GABRA2: variants seen among roughly 807,000 people sequenced by gnomAD.
The protein encoded by GABRA2 is gamma-aminobutyric acid receptor subunit alpha-2.
A neutral mutation model predicts 48.7 loss-of-function variants in GABRA2; 16 were observed. The observed-to-expected ratio is 0.33, with a 90% confidence interval of 0.22 to 0.50. GABRA2 has a LOEUF of 0.50. Ranked by LOEUF, GABRA2 falls within the 20% of genes least tolerant of loss-of-function variation. The pLI, the probability that GABRA2 is intolerant of heterozygous loss-of-function variation, is 0.98. For synonymous variants in GABRA2, 185 were observed against 184.5 expected (o/e 1.00, Z -0.02); for missense variants, 275 against 535.6 (o/e 0.51, Z 4.80).
intron 3 of GABRA2, among the ~76,000 whole-genome samples, chr4:46,361,010 G>T (rs1225681315): frequency 6.6e-6 from 1 of 152,306 alleles, no homozygotes; most frequent in East Asian, 1.9e-4. Context: ...TGACTTGGGT[G>T]CTGTTAAAGG....
intron 4 of GABRA2, among the ~76,000 whole-genome samples, chr4:46,319,068 G>T (rs1047580220): frequency 6.6e-6 from 1 of 151,686 alleles, no homozygotes; most frequent in Non-Finnish European, 1.5e-5. Context: ...TCCATTTACA[G>T]TAAACTCCTT....
chr4:46,344,661 C>T (rs946419949), intron 3 of GABRA2, among the ~76,000 whole-genome samples: 2 of 151,602 alleles, frequency 1.3e-5, no homozygotes, highest in Admixed American at 1.3e-4. Context: ...TTTTCTAGCA[C>T]ACAGCCAGGA....
At chr4:46,360,574 C>T (rs1424785290) in intron 3 of GABRA2, among the ~76,000 whole-genome samples, 1 of 152,146 alleles carries the variant, frequency 6.6e-6, no homozygotes, top group Non-Finnish European at 1.5e-5. Flanking sequence ...TTGGGTATGT[C>T]TTTGTCAGCA....
intron 9 of GABRA2, chr4:46,261,418 A>G (rs1025411942): frequency 1.3e-5 from 2 of 159,924 alleles, no homozygotes; most frequent in African/African-American, 4.8e-5. Context: ...CAATTCATTG[A>G]TAGAGCCTGG....
chr4:46,310,264 C>A lies in GABRA2; in HGVS notation c.477-9G>T. 6.2e-7 allele frequency: 1 copy of A among 1,608,112 alleles called. No individual in the cohort carries two copies. Among genetic ancestry groups the A allele is most frequent in the South Asian group, 1.1e-5 (1 of 90,854 alleles). ...CAGCTTGAACTGTAAGCCTAAAAGT[C>A]AAAATTTCACTATTTGTTTAAGTAT... On this transcript the variant is annotated splice_polypyrimidine_tract_variant and intron_variant, in intron 5 of 9. Transcript: ENST00000381620.
Position 46,265,062 on chromosome 4 carries a change from T to C in GABRA2, c.857-2934A>G, listed in dbSNP as rs1044935560. 2.1e-5 allele frequency among the ~76,000 whole-genome samples: 3 copies of C among 145,340 alleles called. No individual in the cohort carries two copies. In the South Asian group the frequency reaches 6.7e-4, roughly 33 times the overall value. ...AGAGAGAGATTGAGAGAGTCAGTCT[T>C]GCTTGACATTTCACCCAGGCTGAAA... is the stretch of plus-strand genomic sequence containing the variant. On this transcript the variant is annotated intron_variant, in intron 8 of 9. Coordinates refer to ENST00000381620, the MANE Select transcript of GABRA2 (RefSeq NM_000807.4).
intron 3 of GABRA2, among the ~76,000 whole-genome samples, chr4:46,333,485 T>C (rs970017302): frequency 6.6e-6 from 1 of 152,102 alleles, no homozygotes; most frequent in Non-Finnish European, 1.5e-5. Context: ...TTAATGTTTA[T>C]CATCATGAGC....
chr4:46,353,953 AT>A (rs1326037964), intron 3 of GABRA2, among the ~76,000 whole-genome samples: 1 of 152,176 alleles, frequency 6.6e-6, no homozygotes, highest in African/African-American at 2.4e-5. Flanking sequence ...CTGTTCACTG[AT>A]AAATTTCAAT....
intron 3 of GABRA2, among the ~76,000 whole-genome samples, chr4:46,369,920 G>A (rs778557662): frequency 1.3e-5 from 2 of 152,116 alleles, no homozygotes; most frequent in Admixed American, 6.5e-5. Context: ...ATAGGAAAAT[G>A]TGGTTCCCAA....
At chr4:46,251,393 A>ACATT (rs1197661567) in intron 9 of GABRA2, among the ~76,000 whole-genome samples, 4 of 151,440 alleles carry the variant, frequency 2.6e-5, no homozygotes. Flanking sequence ...AATGAAAACA[A>ACATT]CATTTTTTTT....
intron 3 of GABRA2, among the ~76,000 whole-genome samples, chr4:46,359,071 T>A (rs1418972991): frequency 6.6e-6 from 1 of 152,176 alleles, no homozygotes; most frequent in South Asian, 2.1e-4. Context: ...CAAAACTTAG[T>A]TTAAGTATAA....
At chr4:46,378,040 T>A (rs76262326) in intron 3 of GABRA2, among the ~76,000 whole-genome samples, 1 of 92,482 alleles carries the variant, frequency 1.1e-5, no homozygotes, top group African/African-American at 4.7e-5. Flanking sequence ...AGGTGGGGGG[T>A]TCAGCCCCCC....
rs1448513779 is a variant in GABRA2 at position 46,249,010 on chromosome 4, T to A, written c.*1298A>T. The stretch of plus-strand genomic sequence containing the variant: ...ACTAGTAATTATATAAAATTTAAAA[T>A]TGTGTTTTCTAATTTAGCTGTGTAT... On this transcript the variant is annotated 3_prime_UTR_variant, in exon 10 of 10. Transcript: ENST00000381620. The A allele has an allele frequency of 9.7e-6, 1 of 103,168 alleles. No individual in the cohort carries two copies. The highest frequency in any genetic ancestry group is 2.9e-4 in the East Asian group (1 of 3,502). The allele number at this position is 103,168 out of a possible 1,614,324, so 6.4% of individuals were successfully genotyped here. A position where few individuals can be genotyped will look rare whatever the true frequency, so the allele number is the denominator to read the frequency against.
rs495818 is a variant in GABRA2 at position 46,245,881 on chromosome 4, C to T, written c.*4427G>A. On this transcript the variant is annotated 3_prime_UTR_variant, in exon 10 of 10. Coordinates refer to ENST00000381620, the MANE Select transcript of GABRA2 (RefSeq NM_000807.4). ...AGTAGTTTGAGGTGGGACGTATAAC[C>T]ACCTTTATAAGTATTTCTTCATATA... Among the ~76,000 whole-genome samples, 95,052 of 150,812 alleles carry T rather than the reference C, an allele frequency of 0.63. 30,623 individuals are homozygous for T. Among genetic ancestry groups the T allele is most frequent in the South Asian group, 0.78 (3,747 of 4,810 alleles).
chr4:46,252,403 G>A lies in GABRA2; in HGVS notation c.1060-1799C>T, dbSNP rs147861190. 6.6e-4 allele frequency among the ~76,000 whole-genome samples: 100 copies of A among 151,544 alleles called. No homozygotes were observed. In the Middle Eastern group the frequency reaches 0.014, roughly 21 times the overall value. ...CACTTTTTGAGCACTAGAATGTGTC[G>A]GGTTGATTGTTAGCCAAGGTGACAT... On this transcript the variant is annotated intron_variant, in intron 9 of 9. Transcript: ENST00000381620.
chr4:46,338,226 G>A (rs1045723802), intron 3 of GABRA2, among the ~76,000 whole-genome samples: 2 of 151,928 alleles, frequency 1.3e-5, no homozygotes, highest in Non-Finnish European at 2.9e-5. Context: ...AATTCATATT[G>A]ACCATTTATC....
At chr4:46,274,885 A>G (rs145558540) in intron 8 of GABRA2, among the ~76,000 whole-genome samples, 27 of 152,198 alleles carry the variant, frequency 1.8e-4, no homozygotes, top group African/African-American at 5.3e-4. Flanking sequence ...CCCAAATTGT[A>G]GACAAAGATG....
chr4:46,277,048 C>A (rs1251598252), intron 8 of GABRA2, among the ~76,000 whole-genome samples: 1 of 151,956 alleles, frequency 6.6e-6, no homozygotes, highest in African/African-American at 2.4e-5. Flanking sequence ...TTAATTCCCC[C>A]CTATGTCCTT....
intron 6 of GABRA2, among the ~76,000 whole-genome samples, chr4:46,306,331 A>G (rs1726693807): frequency 6.6e-6 from 1 of 152,206 alleles, no homozygotes; most frequent in Non-Finnish European, 1.5e-5. Context: ...CATTCATAGC[A>G]TCCCAGTTAA....
Sources: gnomAD v4.1 joint callset for allele counts (sites outside exome capture counted in the v4.1 genomes callset) on GRCh38, gnomAD v4.1.1 for gene constraint, MANE v1.5 for transcripts, NCBI Gene and HGNC (gene_info 2026-07-23, HGNC 2026-07-21) for gene names.